Variants in LYPLAL1 observed in about 807,000 individuals in gnomAD.
The protein encoded by LYPLAL1 is lysophospholipase-like protein 1.
Under a neutral mutation model 19.7 loss-of-function variants are expected in LYPLAL1, and 23 were observed. That is an observed-to-expected ratio of 1.17 (90% CI 0.84 to 1.65). LYPLAL1 has a LOEUF of 1.65. Ranked by LOEUF, LYPLAL1 falls within the 40% of genes most tolerant of loss-of-function variation. LYPLAL1 has a pLI of 0.00. For synonymous variants in LYPLAL1, 119 were observed against 96.3 expected (o/e 1.24, Z -1.38); for missense variants, 355 against 279.4 (o/e 1.27, Z -1.93).
At chr1:219,191,294 G>A (rs539110415) in intron 2 of LYPLAL1, among the ~76,000 whole-genome samples, 6 of 151,540 alleles carry the variant, frequency 4.0e-5, no homozygotes, top group Non-Finnish European at 8.9e-5. Flanking sequence ...ATAAAAACAC[G>A]TATGCATATG....
chr1:219,217,379 G>GGGGGGTGTGTGTGTGTGT (rs1553304603), downstream of LYPLAL1, among the ~76,000 whole-genome samples: 1 of 134,048 alleles, frequency 7.5e-6, no homozygotes, highest in African/African-American at 2.7e-5. Context: ...TGCCAGGTTT[G>GGGGGGTGTGTGTGTGTGT]GTGTGTGTGT....
the LYPLAL1 span, among the ~76,000 whole-genome samples, chr1:219,269,072 A>G: frequency 6.6e-6 from 1 of 152,264 alleles, no homozygotes; most frequent in Non-Finnish European, 1.5e-5. Flanking sequence ...AGCCATGGCC[A>G]GCAGTCTCTT....
chr1:219,344,591 A>G, the LYPLAL1 span, among the ~76,000 whole-genome samples: 1 of 152,000 alleles, frequency 6.6e-6, no homozygotes, highest in East Asian at 1.9e-4. Context: ...ATCTCTCCCA[A>G]ATTATCATTG....
At chr1:219,206,911 A>G (rs1658619389) in intron 3 of LYPLAL1, among the ~76,000 whole-genome samples, 1 of 151,828 alleles carries the variant, frequency 6.6e-6, no homozygotes. Flanking sequence ...TTATCTTTTA[A>G]TGATCTTTAT....
the LYPLAL1 span, among the ~76,000 whole-genome samples, chr1:219,432,025 T>C: frequency 6.6e-6 from 1 of 152,246 alleles, no homozygotes; most frequent in African/African-American, 2.4e-5. Flanking sequence ...AGCAACTATA[T>C]TTCATTGTTA....
At chr1:219,179,332 G>A in intron 2 of LYPLAL1, 86 bp downstream of exon 2, 1 of 934,690 alleles carries the variant, frequency 1.1e-6, no homozygotes, top group Non-Finnish European at 1.7e-6. Context: ...TGTTCTTTAA[G>A]CTTAATTTTG....
the LYPLAL1 span, among the ~76,000 whole-genome samples, chr1:219,383,718 C>T: frequency 3.1e-4 from 47 of 152,222 alleles, no homozygotes; most frequent in Non-Finnish European, 5.4e-4. Context: ...ACTGCTCAAA[C>T]TGTCTCAACT....
chr1:219,359,353 C>T, the LYPLAL1 span, among the ~76,000 whole-genome samples: 1 of 152,234 alleles, frequency 6.6e-6, no homozygotes, highest in East Asian at 1.9e-4. Context: ...GGATTTATCC[C>T]CTTTGACTAT....
the LYPLAL1 span, among the ~76,000 whole-genome samples, chr1:219,296,383 G>A: frequency 0.03 from 4,595 of 152,176 alleles, 149 homozygotes; most frequent in East Asian, 0.12. Context: ...TCCTAATATG[G>A]CTGGGCATCC....
the LYPLAL1 span, among the ~76,000 whole-genome samples, chr1:219,377,426 A>G: frequency 6.6e-6 from 1 of 152,196 alleles, no homozygotes; most frequent in Non-Finnish European, 1.5e-5. Flanking sequence ...TGATGCTTGC[A>G]CAACAATGTG....
the LYPLAL1 span, among the ~76,000 whole-genome samples, chr1:219,306,558 T>C: frequency 1.3e-5 from 2 of 152,048 alleles, no homozygotes; most frequent in Non-Finnish European, 1.5e-5. Context: ...TTTTTTTCCT[T>C]TGGACTTGAA....
the LYPLAL1 span, among the ~76,000 whole-genome samples, chr1:219,426,301 T>G: frequency 2.0e-5 from 3 of 152,192 alleles, no homozygotes; most frequent in Non-Finnish European, 4.4e-5. Flanking sequence ...TCATTAGTGG[T>G]TTTTTTAATG....
chr1:219,380,472 G>A, the LYPLAL1 span, among the ~76,000 whole-genome samples: 1 of 152,250 alleles, frequency 6.6e-6, no homozygotes, highest in South Asian at 2.1e-4. Context: ...GTCATGTACA[G>A]TCATTGCTGG....
the LYPLAL1 span, among the ~76,000 whole-genome samples, chr1:219,269,694 CT>C: frequency 6.6e-6 from 1 of 152,184 alleles, no homozygotes; most frequent in Non-Finnish European, 1.5e-5. Flanking sequence ...TCCCCATTCA[CT>C]TTTTTATTCC....
the LYPLAL1 span, among the ~76,000 whole-genome samples, chr1:219,346,069 G>T: frequency 1.3e-5 from 2 of 152,172 alleles, no homozygotes; most frequent in African/African-American, 4.8e-5. Context: ...AACACCAGGG[G>T]TTTGGTCTAG....
chr1:219,245,617 A>G, the LYPLAL1 span, among the ~76,000 whole-genome samples: 1 of 152,254 alleles, frequency 6.6e-6, no homozygotes, highest in Non-Finnish European at 1.5e-5. Flanking sequence ...AAAAGACTTT[A>G]TAATCAAATT....
downstream of LYPLAL1, among the ~76,000 whole-genome samples, chr1:219,215,129 A>G (rs1659240771): frequency 6.6e-6 from 1 of 152,144 alleles, no homozygotes; most frequent in Non-Finnish European, 1.5e-5. Context: ...TGACTGAAGT[A>G]CATTCTTTAA....
chr1:219,386,544 C>T, the LYPLAL1 span, among the ~76,000 whole-genome samples: 2 of 152,172 alleles, frequency 1.3e-5, no homozygotes, highest in South Asian at 4.2e-4. Flanking sequence ...TCCCCCTATA[C>T]TGGACCTTTA....
the LYPLAL1 span, among the ~76,000 whole-genome samples, chr1:219,419,584 C>CAGAGAGAGAGAGAG: frequency 1.9e-4 from 25 of 129,090 alleles, no homozygotes; most frequent in African/African-American, 7.7e-4. Flanking sequence ...CACACACACA[C>CAGAGAGAGAGAGAG]ACACACACAC....
Sources: gnomAD v4.1 joint callset for allele counts (sites outside exome capture counted in the v4.1 genomes callset) on GRCh38, gnomAD v4.1.1 for gene constraint, MANE v1.5 for transcripts, NCBI Gene and HGNC (gene_info 2026-07-23, HGNC 2026-07-21) for gene names.